The following TMPRSS15 variants were observed in gnomAD, a reference collection of about 807,000 sequenced individuals.
TMPRSS15 encodes the protein enteropeptidase.
In TMPRSS15, 128 loss-of-function variants were observed where a neutral mutation model predicts 125.3. The observed-to-expected ratio is 1.02, with a 90% CI of 0.89 to 1.18. The LOEUF is 1.18. Ranked by LOEUF, TMPRSS15 falls within the 50% of genes most tolerant of loss-of-function variation. The pLI, the probability that TMPRSS15 is intolerant of heterozygous loss-of-function variation, is 0.00. For missense variants in TMPRSS15, 1,283 were observed against 1,212.7 expected (o/e 1.06, Z -0.86); for synonymous variants, 446 against 423.2 (o/e 1.05, Z -0.66).
chr21:18,340,069 G>C (rs932506601), intron 13 of TMPRSS15, among the ~76,000 whole-genome samples: 2 of 152,308 alleles, frequency 1.3e-5, no homozygotes, highest in Middle Eastern at 3.4e-3. Flanking sequence ...TTGAATGCCA[G>C]CTTGATTGGA....
At chr21:18,318,152 G>C (rs1273665986) in intron 16 of TMPRSS15, among the ~76,000 whole-genome samples, 1 of 152,174 alleles carries the variant, frequency 6.6e-6, no homozygotes, top group African/African-American at 2.4e-5. Context: ...GTGGACACTG[G>C]AAAGATGATC....
chr21:18,334,808 C>T (rs2075376072), intron 13 of TMPRSS15, among the ~76,000 whole-genome samples: 1 of 152,142 alleles, frequency 6.6e-6, no homozygotes, highest in African/African-American at 2.4e-5. Flanking sequence ...ATAATTTCCA[C>T]CATCTGGTTC....
chr21:18,443,184 A>G (rs2076246626), intron 1 of TMPRSS15, among the ~76,000 whole-genome samples: 1 of 152,206 alleles, frequency 6.6e-6, no homozygotes, highest in African/African-American at 2.4e-5. Context: ...AGAAAAAATA[A>G]AATAAATAAA....
chr21:18,385,545 C>T (rs913995510), intron 3 of TMPRSS15, among the ~76,000 whole-genome samples: 1 of 152,162 alleles, frequency 6.6e-6, no homozygotes, highest in African/African-American at 2.4e-5. Context: ...TACCACCCTT[C>T]GTTGTTGAAC....
rs573899506 is a variant in TMPRSS15, at chr21:18,335,442, A to G, written c.1565-3269T>C. ...TGAACACTTAGTGTGCTATACTTAAAGATGAGTATGTAGGATGTTAATGAG... is the reference window on the plus strand; with the variant it reads ...TGAACACTTAGTGTGCTATACTTAAGGATGAGTATGTAGGATGTTAATGAG... On this transcript the variant is annotated intron_variant, in intron 13 of 24. Transcript: ENST00000284885. 2.6e-5 allele frequency among the ~76,000 whole-genome samples: 4 copies of G among 152,342 alleles called. No homozygotes were observed. In the South Asian group the frequency reaches 8.3e-4, roughly 32 times the overall value.
At position 18,363,599 on chromosome 21, in the gene TMPRSS15, AT is replaced by A. The variant is rs781599942; in HGVS notation, c.773+1540del. ...CCATTTTCAGTGAAAGATATTTAAG[AT>A]TTTCTACAGCTTTCTATTGACATTT... On this transcript the variant is annotated intron_variant, in intron 7 of 24. Transcript: ENST00000284885. Among the ~76,000 whole-genome samples the A allele has an allele frequency of 1.3e-4, 20 of 152,230 alleles. 2 individuals are homozygous for A. The highest frequency in any genetic ancestry group is 9.2e-4 in the Admixed American group (14 of 15,292).
chr21:18,395,592 A>G (rs1405990882), intron 3 of TMPRSS15, among the ~76,000 whole-genome samples: 2 of 152,154 alleles, frequency 1.3e-5, no homozygotes, highest in Non-Finnish European at 2.9e-5. Context: ...TATACTTGCC[A>G]TTTTTCTTTT....
chr21:18,343,736 A>C, intron 11 of TMPRSS15, 80 bp from the exon 12 acceptor site: 1 of 1,486,076 alleles, frequency 6.7e-7, no homozygotes. Context: ...TACATTTTTT[A>C]CTTTCTTTGA....
In TMPRSS15 at chr21:18,397,914, C is replaced by A. The variant is rs2076054723; in HGVS notation, c.309G>T (p.Lys103Asn). The A allele has an allele frequency of 1.3e-6, 2 of 1,550,770 alleles. No homozygotes were observed. The highest frequency in any genetic ancestry group is 1.7e-5 in the Admixed American group (1 of 57,748). Residue 103 changes from lysine to asparagine, a missense_variant, in exon 3 of 25, where the codon AAG becomes AAT. Transcript: ENST00000284885. ...AAACTCTTGAGTTCTTATATTCATT[C>A]TTCAGATTGCTTGATAGAAAGATCT... ...IDEIFLSSNL[K>N]NEYKNSRVLQ...
upstream of TMPRSS15, among the ~76,000 whole-genome samples, chr21:18,405,005 G>T (rs564003045): frequency 6.6e-6 from 1 of 152,026 alleles, no homozygotes; most frequent in Non-Finnish European, 1.5e-5. Context: ...ATTACAATAG[G>T]CCAGACCCTC....
At chr21:18,325,783 G>T (rs73194625) in intron 16 of TMPRSS15, among the ~76,000 whole-genome samples, 29,784 of 151,504 alleles carry the variant, frequency 0.2, 3,058 homozygotes, top group East Asian at 0.36. Flanking sequence ...GCAAATATAT[G>T]CAAATACTAG....
intron 5 of TMPRSS15, among the ~76,000 whole-genome samples, chr21:18,378,782 A>C (rs1363665201): frequency 6.6e-6 from 1 of 152,084 alleles, no homozygotes; most frequent in Admixed American, 6.6e-5. Context: ...AGAAATTGGC[A>C]CACCAAAGAT....
intron 6 of TMPRSS15, among the ~76,000 whole-genome samples, chr21:18,365,774 G>T (rs2075730677): frequency 1.8e-5 from 2 of 113,320 alleles, no homozygotes; most frequent in East Asian, 2.6e-4. Flanking sequence ...ACAGAGTTTC[G>T]CTCTTGTTGC....
intron 18 of TMPRSS15, among the ~76,000 whole-genome samples, chr21:18,306,125 A>ATT (rs372493426): frequency 6.7e-6 from 1 of 149,696 alleles, no homozygotes; most frequent in Non-Finnish European, 1.5e-5. Flanking sequence ...CAAAGGTTAC[A>ATT]TTTTTTTTTT....
At chr21:18,413,658 G>C (rs2076173128) in intron 1 of TMPRSS15, among the ~76,000 whole-genome samples, 5 of 146,654 alleles carry the variant, frequency 3.4e-5, no homozygotes, top group African/African-American at 1.3e-4. Context: ...TTGAACTCCT[G>C]ACCTCTTGAT....
chr21:18,336,416 T>G (rs2075393818), intron 13 of TMPRSS15, among the ~76,000 whole-genome samples: 1 of 152,206 alleles, frequency 6.6e-6, no homozygotes. Flanking sequence ...ACAAATCTTT[T>G]GGTATCACAA....
rs60612261 is a variant in TMPRSS15 at position 18,402,527 on chromosome 21, CAAAAAAAAA to C, written c.145+942_145+950del. On this transcript the variant is annotated intron_variant, in intron 1 of 24. Transcript: ENST00000284885. ...CTGGCGACAGAGCGAGACTCTATCT[CAAAAAAAAA>C]AAAAAAAAAGAGAGAATTTATATGC... Among the ~76,000 whole-genome samples, 829 of 109,098 alleles carry C rather than the reference CAAAAAAAAA, an allele frequency of 7.6e-3. 5 individuals carry two copies. The highest frequency in any genetic ancestry group is 9.8e-3 in the Non-Finnish European group (548 of 56,006). The allele number at this position is 109,098 out of a possible 152,430, so 71.6% of individuals were successfully genotyped here.
At chr21:18,324,808 T>G (rs1041382352) in intron 16 of TMPRSS15, among the ~76,000 whole-genome samples, 1 of 152,188 alleles carries the variant, frequency 6.6e-6, no homozygotes, top group Non-Finnish European at 1.5e-5. Flanking sequence ...CAAAATGTCC[T>G]CAGCTATGTC....
intron 24 of TMPRSS15, among the ~76,000 whole-genome samples, chr21:18,274,125 T>A (rs909835101): frequency 3.9e-5 from 6 of 152,232 alleles, no homozygotes; most frequent in African/African-American, 1.4e-4. Flanking sequence ...AGCATTGATA[T>A]GTTATTAATT....
Sources: allele counts gnomAD v4.1 joint callset (sites outside exome capture counted in the v4.1 genomes callset), GRCh38; gene constraint gnomAD v4.1.1; transcripts MANE v1.5; gene names NCBI Gene and HGNC (gene_info 2026-07-23, HGNC 2026-07-21).